Variants in CCDC178 observed in about 807,000 individuals in gnomAD.
CCDC178 encodes coiled-coil domain containing 178, also known as coiled-coil domain-containing protein 178.
In CCDC178, 126 loss-of-function variants were observed where a neutral mutation model predicts 117.4. That is an observed-to-expected ratio of 1.07 (90% CI 0.93 to 1.24). CCDC178 has a LOEUF of 1.24. CCDC178 is among the 50% of genes most tolerant of loss of function. CCDC178 has a pLI of 0.00. For synonymous variants in CCDC178, 283 were observed against 313.4 expected (o/e 0.90, Z 1.02); for missense variants, 1,030 against 986.9 (o/e 1.04, Z -0.59).
chr18:33,084,427 G>A (rs114367017), intron 21 of CCDC178, among the ~76,000 whole-genome samples: 213 of 152,178 alleles, frequency 1.4e-3, no homozygotes, highest in African/African-American at 4.9e-3. Flanking sequence ...TTCCATATTA[G>A]GTATTTCTGG....
At chr18:33,396,347 A>G (rs2063636621) in intron 4 of CCDC178, among the ~76,000 whole-genome samples, 1 of 152,272 alleles carries the variant, frequency 6.6e-6, no homozygotes, top group Non-Finnish European at 1.5e-5. Context: ...CTACACTGTT[A>G]TGTCACTGTA....
chr18:33,380,624 T>C (rs753006152), intron 5 of CCDC178, among the ~76,000 whole-genome samples: 1 of 152,186 alleles, frequency 6.6e-6, no homozygotes. Flanking sequence ...CTCTCCTGTG[T>C]ACTGGAGTTT....
intron 14 of CCDC178, among the ~76,000 whole-genome samples, chr18:33,247,494 GA>G (rs1344085149): frequency 6.6e-6 from 1 of 151,800 alleles, no homozygotes; most frequent in Non-Finnish European, 1.5e-5. Flanking sequence ...CCCAAATTGA[GA>G]AGAGACAAAG....
At chr18:33,066,485 A>G (rs2057018906) in intron 21 of CCDC178, among the ~76,000 whole-genome samples, 3 of 152,244 alleles carry the variant, frequency 2.0e-5, no homozygotes, top group African/African-American at 7.2e-5. Flanking sequence ...AATGATAGCA[A>G]TAAGTCCCCA....
At chr18:33,401,749 C>A (rs1389514819) in intron 3 of CCDC178, among the ~76,000 whole-genome samples, 1 of 151,904 alleles carries the variant, frequency 6.6e-6, no homozygotes. Flanking sequence ...GGTAGATGGG[C>A]AATTATTTTC....
chr18:33,075,017 G>A (rs1467741242), intron 21 of CCDC178, among the ~76,000 whole-genome samples: 1 of 152,128 alleles, frequency 6.6e-6, no homozygotes, highest in Non-Finnish European at 1.5e-5. Flanking sequence ...ACTGTGAGAA[G>A]GTGAAAGAGG....
intron 20 of CCDC178, among the ~76,000 whole-genome samples, chr18:33,118,870 C>G (rs2057895837): frequency 6.6e-6 from 1 of 152,036 alleles, no homozygotes; most frequent in Non-Finnish European, 1.5e-5. Context: ...AGAGCAGAGC[C>G]CTCAGAAATA....
chr18:33,190,921 CCTT>C (rs2058850372), intron 20 of CCDC178, among the ~76,000 whole-genome samples: 1 of 152,124 alleles, frequency 6.6e-6, no homozygotes, highest in African/African-American at 2.4e-5. Context: ...TATACTCAGT[CCTT>C]CTATTCAAAT....
At chr18:33,315,446 C>G (rs560029477) in intron 11 of CCDC178, among the ~76,000 whole-genome samples, 1 of 152,274 alleles carries the variant, frequency 6.6e-6, no homozygotes, top group African/African-American at 2.4e-5. Flanking sequence ...TGATTTCACC[C>G]GGTTTCTACC....
intron 20 of CCDC178, among the ~76,000 whole-genome samples, chr18:33,190,718 T>C (rs2144515782): frequency 6.6e-6 from 1 of 152,350 alleles, no homozygotes. Context: ...TGATTCACTT[T>C]CATACTGGAG....
chr18:33,195,130 A>T (rs112199492), intron 20 of CCDC178, among the ~76,000 whole-genome samples: 3 of 107,230 alleles, frequency 2.8e-5, no homozygotes, highest in Non-Finnish European at 5.5e-5. Context: ...AAAAAAAAAG[A>T]GAGAGAGAGA....
intron 3 of CCDC178, among the ~76,000 whole-genome samples, chr18:33,410,918 T>C (rs1473430367): frequency 1.3e-5 from 2 of 152,150 alleles, no homozygotes; most frequent in Non-Finnish European, 2.9e-5. Flanking sequence ...CTTAATAGTA[T>C]GCTGGAATAT....
At chr18:33,142,565 CTGAT>C (rs1188371508) in intron 20 of CCDC178, among the ~76,000 whole-genome samples, 4 of 152,118 alleles carry the variant, frequency 2.6e-5, no homozygotes, top group African/African-American at 9.6e-5. Context: ...TTATTAGAAA[CTGAT>C]TGTTGGTGGA....
chr18:33,366,462 C>A (rs972513907), intron 6 of CCDC178, among the ~76,000 whole-genome samples: 1 of 151,866 alleles, frequency 6.6e-6, no homozygotes, highest in Non-Finnish European at 1.5e-5. Context: ...GATAATTAAA[C>A]CAGTTGCTTG....
At chr18:33,125,975 G>A (rs1598909208) in intron 20 of CCDC178, among the ~76,000 whole-genome samples, 1 of 152,192 alleles carries the variant, frequency 6.6e-6, no homozygotes, top group Admixed American at 6.5e-5. Context: ...GGAGTCCAGG[G>A]AAGCCCCTGA....
At chr18:33,184,508 T>C (rs960076528) in intron 20 of CCDC178, among the ~76,000 whole-genome samples, 6 of 151,978 alleles carry the variant, frequency 3.9e-5, no homozygotes, top group Non-Finnish European at 5.9e-5. Context: ...ATACATACAT[T>C]ACTGCCATCA....
At position 33,416,228 on chromosome 18, in the gene CCDC178, C is replaced by G. The variant is rs573556560; in HGVS notation, c.-22-4118G>C. Among the ~76,000 whole-genome samples, 227 of 152,242 alleles carry G rather than the reference C, an allele frequency of 1.5e-3. 1 individual carries two copies. Among genetic ancestry groups the G allele is most frequent in the African/African-American group, 5.3e-3 (219 of 41,546 alleles). ...GGATCATGAGGCCAGGAGTTCGAAA[C>G]CATCCTGACTGACACGGTGAAACCC... On this transcript the variant is annotated intron_variant, in intron 2 of 22. Coordinates refer to ENST00000383096, the MANE Select transcript of CCDC178 (RefSeq NM_001105528.4).
rs564064378 is a variant in CCDC178, at chr18:33,416,298, G to A, written c.-22-4188C>T. On this transcript the variant is annotated intron_variant, in intron 2 of 22. Coordinates refer to ENST00000383096, the MANE Select transcript of CCDC178 (RefSeq NM_001105528.4). Reference sequence around the variant, plus strand: ...AAAAATTAGCCGGGCGTGGTGGCGGGCGCCTATAGTCCCAGCTGCTCTGGA... The same window carrying A: ...AAAAATTAGCCGGGCGTGGTGGCGGACGCCTATAGTCCCAGCTGCTCTGGA... Among the ~76,000 whole-genome samples the A allele has an allele frequency of 6.6e-5, 10 of 152,210 alleles. No individual in the cohort carries two copies. The East Asian group carries it at 1.9e-3, about 30-fold the overall frequency.
At chr18:33,109,897 A>T (rs1043542590) in intron 20 of CCDC178, among the ~76,000 whole-genome samples, 2 of 151,514 alleles carry the variant, frequency 1.3e-5, no homozygotes, top group African/African-American at 4.8e-5. Context: ...AGCTATTATG[A>T]ATAAAGCTGA....
Sources: allele counts gnomAD v4.1 joint callset (sites outside exome capture counted in the v4.1 genomes callset), GRCh38; gene constraint gnomAD v4.1.1; transcripts MANE v1.5; gene names NCBI Gene and HGNC (gene_info 2026-07-23, HGNC 2026-07-21).